Variants in TACC3 observed in about 807,000 individuals in gnomAD.
TACC3 encodes the protein transforming acidic coiled-coil-containing protein 3.
TACC3 carries 52 observed loss-of-function variants against 86.0 expected under a neutral mutation model. The ratio of observed to expected loss-of-function variants is 0.60; its 90% CI spans 0.48 to 0.76. The LOEUF (loss-of-function observed/expected upper bound fraction) is 0.76, where lower values mean the gene tolerates loss of function less well. TACC3 is among the 30% of genes least tolerant of loss of function. The pLI is 0.00. For synonymous variants in TACC3, 512 were observed against 430.0 expected (o/e 1.19, Z -2.36); for missense variants, 1,120 against 1,070.4 (o/e 1.05, Z -0.65).
rs1718184078 is a variant in TACC3, at chr4:1,735,022, T to C, written c.1592-251T>C. 6.6e-6 allele frequency among the ~76,000 whole-genome samples: 1 copy of C among 152,264 alleles called. No homozygotes were observed. The highest frequency in any genetic ancestry group is 2.4e-5 in the African/African-American group (1 of 41,472). On this transcript the variant is annotated intron_variant, in intron 6 of 15. Coordinates refer to ENST00000313288, the MANE Select transcript of TACC3 (RefSeq NM_006342.3). The surrounding 1 kb of genome is among the most constrained non-coding windows in gnomAD (Gnocchi z 4.2). ...TTGCCCCCGCCTTTCCCCAGATGTT[T>C]GTGGTTGTCACACCTGGAGGTGCTG... is the stretch of plus-strand genomic sequence containing the variant.
Position 1,728,582 on chromosome 4 carries a change from C to G in TACC3, c.1180C>G (p.Pro394Ala). Residue 394 changes from proline to alanine, a missense_variant, in exon 4 of 16, where the codon CCC (proline) becomes GCC (alanine). Pro to Ala is a conservative substitution (Grantham distance 27). Transcript: ENST00000313288. Reference protein sequence around the residue: ...DDGRSGAGEDPPMPASRGSYH... With the variant: ...DDGRSGAGEDAPMPASRGSYH... ...CGGTAGGAGCGGAGCAGGAGAGGACCCCCCCATGCCAGCTTCTCGGGGCTC... is the reference window on the plus strand; with the variant it reads ...CGGTAGGAGCGGAGCAGGAGAGGACGCCCCCATGCCAGCTTCTCGGGGCTC... The G allele has an allele frequency of 6.2e-7, 1 of 1,613,882 alleles. No homozygotes were observed. Among genetic ancestry groups the G allele is most frequent in the South Asian group, 1.1e-5 (1 of 91,076 alleles).
intron 15 of TACC3, 37 bp from the exon 16 acceptor site, chr4:1,744,911 G>GT: frequency 6.2e-7 from 1 of 1,611,408 alleles, no homozygotes; most frequent in Non-Finnish European, 8.5e-7. Flanking sequence ...CTCCCTCCAA[G>GT]CAGGGAGAAG....
chr4:1,720,965 A>G (rs1717299484), upstream of TACC3: 1 of 495,832 alleles, frequency 2.0e-6, no homozygotes, highest in Admixed American at 4.7e-5. The surrounding 1 kb of genome is among the most constrained non-coding windows in gnomAD (Gnocchi z 4.4). Context: ...ACTCTAGGAC[A>G]TGGAGTCCCG....
In TACC3 at chr4:1,728,383, G is replaced by GGCCA. The variant is rs1468888824; in HGVS notation, c.984_987dup (p.Ser330GlnfsTer13). 3 of 1,613,130 alleles carry GGCCA rather than the reference G, an allele frequency of 1.9e-6. No individual in the cohort carries two copies. In the South Asian group the frequency reaches 3.3e-5, roughly 18 times the overall value. On this transcript the variant is annotated frameshift_variant, in exon 4 of 16. Transcript: ENST00000313288. LOFTEE classifies it high-confidence loss of function. ...AGGAAGAAGTGGCTGCAGGCCAAAT[G>GGCCA]GCCAGCTCCTCGAGGAGCGGACCTG...
In TACC3 at chr4:1,728,792, G is replaced by A; in HGVS notation, c.1385+5G>A. 1 of 1,597,836 alleles carries A rather than the reference G, an allele frequency of 6.3e-7. No individual in the cohort carries two copies. The highest frequency in any genetic ancestry group is 1.7e-5 in the Admixed American group (1 of 58,190). On this transcript the variant is annotated splice_donor_5th_base_variant and intron_variant, in intron 4 of 15. Transcript: ENST00000313288. Reference sequence around the variant, plus strand: ...GCCAGGTCCCTGTCTGAGCCAGTAAGTGTGAGGATGGGATGGGGAGCGTGG... The same window carrying A: ...GCCAGGTCCCTGTCTGAGCCAGTAAATGTGAGGATGGGATGGGGAGCGTGG...
intron 8 of TACC3, among the ~76,000 whole-genome samples, chr4:1,736,554 G>C (rs1293903984): frequency 6.6e-6 from 1 of 152,020 alleles, no homozygotes; most frequent in Non-Finnish European, 1.5e-5. Flanking sequence ...TGCAAATTGT[G>C]GCAACTTTCA....
chr4:1,734,876 G>C (rs1372427017), intron 6 of TACC3, among the ~76,000 whole-genome samples: 4 of 152,110 alleles, frequency 2.6e-5, no homozygotes, highest in African/African-American at 9.7e-5. Flanking sequence ...GAACTCCTGG[G>C]CTCAAGTGAT....
intron 13 of TACC3, chr4:1,741,671 G>A (rs1482709238): frequency 1.3e-4 from 20 of 152,272 alleles, no homozygotes; most frequent in Admixed American, 1.3e-3. Flanking sequence ...GTTGGTGCAA[G>A]GGGGTTGGGG....
intron 10 of TACC3, chr4:1,738,247 G>T (rs115296917): frequency 3.7e-6 from 1 of 267,052 alleles, no homozygotes; most frequent in Admixed American, 5.1e-5. Flanking sequence ...GTGAGCTACC[G>T]TCGCCAGATG....
chr4:1,739,984 G>T lies in TACC3; in HGVS notation c.2044G>T (p.Val682Phe). Residue 682 changes from valine (V) to phenylalanine (F), a missense_variant, in exon 12 of 16, where the codon GTT (valine) becomes TTT (phenylalanine). Val to Phe is a conservative substitution (Grantham distance 50, BLOSUM62 -1). Coordinates refer to ENST00000313288, the MANE Select transcript of TACC3 (RefSeq NM_006342.3). ...GAAGATCATGGACAGGTTCGAAGAG[G>T]TTGTGTACCAGGCCATGGGTGAGTG... Reference protein sequence around the residue: ...LGKIMDRFEEVVYQAMEEVQK... With the variant: ...LGKIMDRFEEFVYQAMEEVQK... The T allele has an allele frequency of 6.2e-7, 1 of 1,613,106 alleles. No homozygotes were observed. Among genetic ancestry groups the T allele is most frequent in the Non-Finnish European group, 8.5e-7 (1 of 1,180,010 alleles).
intron 10 of TACC3, chr4:1,739,498 G>C: frequency 1.7e-6 from 1 of 591,512 alleles, no homozygotes; most frequent in South Asian, 2.1e-5. Flanking sequence ...CATGCCTCCT[G>C]CCCCCTGGCA....
At position 1,728,021 on chromosome 4, in the gene TACC3, A is replaced by C; in HGVS notation, c.619A>C (p.Arg207=). The change falls in exon 4 of 16, where the codon AGG becomes CGG. Residue 207 remains arginine, a synonymous_variant. Transcript: ENST00000313288. ...CTCTGAGACCCTAGAAGACCCTTGC[A>C]GGACAGAGTCCCAGCACAAAGCGGA... is the stretch of plus-strand genomic sequence containing the variant. ...PASETLEDPC[R]TESQHKAETP... 7 of 1,613,124 alleles carry C rather than the reference A, an allele frequency of 4.3e-6. No homozygotes were observed. Among genetic ancestry groups the C allele is most frequent in the Non-Finnish European group, 5.9e-6 (7 of 1,180,010 alleles).
intron 6 of TACC3, among the ~76,000 whole-genome samples, chr4:1,732,032 G>A (rs1166287011): frequency 5.3e-5 from 8 of 152,038 alleles, no homozygotes; most frequent in Admixed American, 2.6e-4. Flanking sequence ...AGTTGAATAC[G>A]GTTTGTCCAT....
chr4:1,735,343 C>A lies in TACC3; in HGVS notation c.1644+18C>A. On this transcript the variant is annotated intron_variant, in intron 7 of 15. Transcript: ENST00000313288. This position sits in a 1 kb window ranked among gnomAD's most constrained non-coding sequence, Gnocchi z 4.2. The stretch of plus-strand genomic sequence containing the variant: ...CTTCCTCGGTAGGTACCAGGCAATT[C>A]CGCGAAGCCTCACCCACAGGGTGTC... 2 of 1,613,860 alleles carry A rather than the reference C, an allele frequency of 1.2e-6. No individual in the cohort carries two copies. The highest frequency in any genetic ancestry group is 2.2e-5 in the South Asian group (2 of 91,086).
At chr4:1,736,193 G>A (rs575029135) in intron 8 of TACC3, among the ~76,000 whole-genome samples, 10 of 152,324 alleles carry the variant, frequency 6.6e-5, no homozygotes, top group Non-Finnish European at 1.5e-4. Flanking sequence ...GGAGGCCGAG[G>A]TGGATGGATA....
rs1196868672 is a variant in TACC3, at chr4:1,731,297, T to C, written c.1587T>C (p.Ala529=). Residue 529 remains alanine, a synonymous_variant, in exon 6 of 16, where the codon GCT becomes GCC. Transcript: ENST00000313288. ...ELKEESFRDP[A]EVLGTGAEVD... is the part of the protein sequence containing the mutation. ...AAGAGGAGAGCTTCAGAGACCCCGC[T>C]GAGGGTACGTTGCCTGGCACAGACG... 6.8e-6 allele frequency: 11 copies of C among 1,613,076 alleles called. No homozygotes were observed. Among genetic ancestry groups the C allele is most frequent in the Non-Finnish European group, 7.6e-6 (9 of 1,179,984 alleles).
At chr4:1,744,879 T>C in intron 15 of TACC3, 47 bp downstream of exon 15, 9 of 1,612,418 alleles carry the variant, frequency 5.6e-6, no homozygotes, top group Non-Finnish European at 7.6e-6. Flanking sequence ...CAGCACCTTC[T>C]AGAAGGCCCT....
chr4:1,741,023 G>T, intron 13 of TACC3, 37 bp downstream of exon 13: 1 of 1,568,128 alleles, frequency 6.4e-7, no homozygotes, highest in African/African-American at 1.4e-5. Flanking sequence ...CACCTCGGAG[G>T]CTGATGGACT....
At position 1,744,480 on chromosome 4, in the gene TACC3, C is replaced by T. The variant is rs185868501; in HGVS notation, c.2224-38C>T. On this transcript the variant is annotated intron_variant, in intron 13 of 15. Transcript: ENST00000313288. ...CCAAGCCTGGGTGCTCTCCAGCAGA[C>T]GGCGTGGTACCCACAGCTAATGCCT... The T allele has an allele frequency of 5.3e-3, 8,387 of 1,583,866 alleles. 29 individuals are homozygous for T. The highest frequency in any genetic ancestry group is 6.4e-3 in the Non-Finnish European group (7,449 of 1,157,954).
Sources: allele counts gnomAD v4.1 joint callset (sites outside exome capture counted in the v4.1 genomes callset), GRCh38; gene constraint gnomAD v4.1.1; non-coding constraint Gnocchi (gnomAD v3.1); transcripts MANE v1.5; gene names NCBI Gene and HGNC (gene_info 2026-07-23, HGNC 2026-07-21).